The following PDE4D variants were observed in gnomAD, a reference collection of about 807,000 sequenced individuals.
PDE4D encodes the protein 3',5'-cyclic-AMP phosphodiesterase 4D.
In PDE4D, 24 loss-of-function variants were observed where a neutral mutation model predicts 87.4. That is an observed-to-expected ratio of 0.27 (90% CI 0.20 to 0.39). The LOEUF is 0.39. PDE4D is among the 10% of genes least tolerant of loss of function. The pLI is 1.00. For synonymous variants in PDE4D, 384 were observed against 383.2 expected (o/e 1.00, Z -0.02); for missense variants, 714 against 1,041.0 (o/e 0.69, Z 4.32).
intron 2 of PDE4D, among the ~76,000 whole-genome samples, chr5:60,015,153 T>C (rs1765388905): frequency 6.6e-6 from 1 of 152,190 alleles, no homozygotes; most frequent in South Asian, 2.1e-4. Context: ...AGTATCTAGA[T>C]AAAGAGGGAA....
chr5:59,025,314 C>A (rs965889558), intron 6 of PDE4D, among the ~76,000 whole-genome samples: 6 of 151,980 alleles, frequency 3.9e-5, no homozygotes, highest in Non-Finnish European at 5.9e-5. Context: ...GAAAAAAACA[C>A]TAACAAATAT....
intron 1 of PDE4D, among the ~76,000 whole-genome samples, chr5:59,805,734 AAAG>A (rs776908595): frequency 3.9e-5 from 6 of 152,256 alleles, no homozygotes; most frequent in African/African-American, 1.4e-4. Context: ...TAAAAATCTC[AAAG>A]AAGACCACAG....
intron 1 of PDE4D, among the ~76,000 whole-genome samples, chr5:59,445,908 T>C (rs1309739077): frequency 6.6e-6 from 1 of 152,160 alleles, no homozygotes; most frequent in Non-Finnish European, 1.5e-5. Context: ...TTTAAAGCAG[T>C]CTTTTGTCTG....
intron 2 of PDE4D, among the ~76,000 whole-genome samples, chr5:59,213,234 A>G (rs1280126912): frequency 1.3e-5 from 2 of 149,854 alleles, no homozygotes; most frequent in Non-Finnish European, 1.5e-5. Flanking sequence ...GCATGATCGT[A>G]GCTCACTGCA....
chr5:59,300,842 C>T (rs749284710), intron 1 of PDE4D, among the ~76,000 whole-genome samples: 95 of 152,170 alleles, frequency 6.2e-4, no homozygotes, highest in Admixed American at 4.6e-4. Context: ...AGCTTCTAAC[C>T]GGCCACCTCC....
chr5:59,229,190 G>T (rs922160473), intron 1 of PDE4D, among the ~76,000 whole-genome samples: 1 of 151,948 alleles, frequency 6.6e-6, no homozygotes, highest in African/African-American at 2.4e-5. Flanking sequence ...CCCCCAGCAG[G>T]TACAACAGTG....
chr5:59,225,567 T>C (rs993915520), intron 1 of PDE4D, among the ~76,000 whole-genome samples: 3 of 152,158 alleles, frequency 2.0e-5, no homozygotes, highest in Non-Finnish European at 4.4e-5. Context: ...CATTGGACAT[T>C]GTGGACATTT....
intron 1 of PDE4D, chr5:60,459,860 C>T: frequency 1.6e-6 from 1 of 611,582 alleles, no homozygotes; most frequent in Non-Finnish European, 3.0e-6. Context: ...TAATCTTTTC[C>T]TTCATCCTTC....
intron 5 of PDE4D, among the ~76,000 whole-genome samples, chr5:59,076,287 T>C (rs1312073809): frequency 6.6e-6 from 1 of 152,106 alleles, no homozygotes; most frequent in Admixed American, 6.6e-5. Flanking sequence ...TTACTCCCAT[T>C]AGTACAACAC....
chr5:59,933,444 A>G (rs1756198169), intron 3 of PDE4D, among the ~76,000 whole-genome samples: 1 of 152,222 alleles, frequency 6.6e-6, no homozygotes, highest in African/African-American at 2.4e-5. Flanking sequence ...TAAAGTTTGA[A>G]AAAGCTCAAT....
intron 1 of PDE4D, among the ~76,000 whole-genome samples, chr5:59,420,312 A>C (rs1193007824): frequency 1.3e-5 from 2 of 152,224 alleles, no homozygotes; most frequent in African/African-American, 4.8e-5. Flanking sequence ...CAGTGTGGTA[A>C]GTAAAAATGG....
chr5:59,463,902 A>C (rs1801143070), intron 1 of PDE4D, among the ~76,000 whole-genome samples: 1 of 152,116 alleles, frequency 6.6e-6, no homozygotes. Flanking sequence ...AGATTCTGTT[A>C]ATCTGTGACC....
At chr5:59,772,228 G>A (rs1464559229) in intron 1 of PDE4D, among the ~76,000 whole-genome samples, 2 of 152,244 alleles carry the variant, frequency 1.3e-5, no homozygotes, top group East Asian at 1.9e-4. Context: ...AAGGCAGAGG[G>A]TCAGAGGGTG....
chr5:59,512,584 T>C (rs1267521315), intron 1 of PDE4D, among the ~76,000 whole-genome samples: 2 of 152,286 alleles, frequency 1.3e-5, no homozygotes, highest in South Asian at 2.1e-4. Flanking sequence ...ATTGAACTTA[T>C]CAGTTTTGGT....
intron 1 of PDE4D, among the ~76,000 whole-genome samples, chr5:59,803,214 A>G (rs1050887865): frequency 1.3e-5 from 2 of 151,930 alleles, no homozygotes; most frequent in Non-Finnish European, 2.9e-5. Context: ...CTGCAGCGTC[A>G]CTATCACCTG....
At chr5:59,809,100 G>T (rs529019200) in intron 1 of PDE4D, among the ~76,000 whole-genome samples, 28 of 152,280 alleles carry the variant, frequency 1.8e-4, no homozygotes, top group African/African-American at 5.8e-4. Flanking sequence ...GAAGAGTTGT[G>T]CTTTAAATTT....
chr5:60,430,081 G>C (rs1242440227), intron 1 of PDE4D: 2 of 523,776 alleles, frequency 3.8e-6, no homozygotes, highest in African/African-American at 1.9e-5. Flanking sequence ...GTTGAGCCTG[G>C]TATCAAAGTG....
At chr5:59,809,733 TC>T (rs1449871508) in intron 1 of PDE4D, among the ~76,000 whole-genome samples, 2 of 152,100 alleles carry the variant, frequency 1.3e-5, no homozygotes, top group Non-Finnish European at 2.9e-5. Flanking sequence ...TACTTTATTT[TC>T]CCCCATTGAA....
At chr5:60,352,219 C>T (rs1363174884) in intron 1 of PDE4D, among the ~76,000 whole-genome samples, 1 of 152,150 alleles carries the variant, frequency 6.6e-6, no homozygotes, top group Non-Finnish European at 1.5e-5. Flanking sequence ...ATACAAATTT[C>T]CTCCCAAGGC....
Sources: allele counts gnomAD v4.1 joint callset (sites outside exome capture counted in the v4.1 genomes callset), GRCh38; gene constraint gnomAD v4.1.1; transcripts MANE v1.5; gene names NCBI Gene and HGNC (gene_info 2026-07-23, HGNC 2026-07-21).